Variants in WDR27 observed in about 807,000 individuals in gnomAD.
WDR27 encodes the protein WD repeat domain 27, also known as WD repeat-containing protein 27.
Under a neutral mutation model 114.4 loss-of-function variants are expected in WDR27, and 100 were observed. The ratio of observed to expected loss-of-function variants is 0.87; its 90% CI spans 0.74 to 1.03. The LOEUF (loss-of-function observed/expected upper bound fraction) is 1.03, where lower values mean the gene tolerates loss of function less well. Among genes scored for constraint, WDR27 ranks in the 50% least tolerant of loss-of-function variants. The pLI is 0.00. For missense variants in WDR27, 1,129 were observed against 1,092.9 expected (o/e 1.03, Z -0.47); for synonymous variants, 449 against 423.1 (o/e 1.06, Z -0.75).
At chr6:169,644,252 A>C (rs28538962) in intron 16 of WDR27, among the ~76,000 whole-genome samples, 1 of 147,480 alleles carries the variant, frequency 6.8e-6, no homozygotes, top group Admixed American at 6.7e-5. Flanking sequence ...GTCACACTGT[A>C]GAAAAGCCTA....
At chr6:169,555,753 G>A (rs559347465) in intron 25 of WDR27, among the ~76,000 whole-genome samples, 2 of 152,070 alleles carry the variant, frequency 1.3e-5, no homozygotes, top group East Asian at 3.9e-4. Flanking sequence ...CCATACCACT[G>A]GAAGAATAAA....
At chr6:169,495,071 T>G (rs890252716) in intron 25 of WDR27, among the ~76,000 whole-genome samples, 10 of 152,028 alleles carry the variant, frequency 6.6e-5, no homozygotes, top group Admixed American at 3.3e-4. Context: ...CATGAAAACA[T>G]TAGAAAATAA....
At chr6:169,469,608 T>C (rs1786072439) in intron 25 of WDR27, among the ~76,000 whole-genome samples, 1 of 152,218 alleles carries the variant, frequency 6.6e-6, no homozygotes, top group Non-Finnish European at 1.5e-5. Context: ...TGATGGGGCC[T>C]GTGGTGGGAG....
intron 2 of WDR27, among the ~76,000 whole-genome samples, chr6:169,675,811 AATT>A (rs1403672296): frequency 6.6e-6 from 1 of 152,124 alleles, no homozygotes; most frequent in Non-Finnish European, 1.5e-5. Flanking sequence ...CAGGCTGTAA[AATT>A]TTTCTTATCG....
chr6:169,552,170 C>T (rs564458297), intron 25 of WDR27, among the ~76,000 whole-genome samples: 4 of 152,300 alleles, frequency 2.6e-5, no homozygotes, highest in Admixed American at 1.3e-4. Flanking sequence ...GTGTTCTCAT[C>T]GTCCCACCAC....
At chr6:169,461,296 AC>A (rs1372918181) in intron 25 of WDR27, among the ~76,000 whole-genome samples, 1 of 152,176 alleles carries the variant, frequency 6.6e-6, no homozygotes, top group Non-Finnish European at 1.5e-5. Flanking sequence ...ACTTTACCAA[AC>A]AAGAACAGCA....
chr6:169,659,421 A>G lies in WDR27; in HGVS notation c.1197+30T>C. 1.9e-6 allele frequency: 3 copies of G among 1,602,136 alleles called. No individual in the cohort carries two copies. Among genetic ancestry groups the G allele is most frequent in the Non-Finnish European group, 2.6e-6 (3 of 1,174,310 alleles). ...AGAAGAAATCAGAGGCACGTCTCAT[A>G]GACAGGGAGGGCCGCGTCTCAGGAC... On this transcript the variant is annotated intron_variant, in intron 11 of 25. Coordinates refer to ENST00000448612, the MANE Select transcript of WDR27 (RefSeq NM_182552.5). This position sits in a 1 kb window ranked among gnomAD's most constrained non-coding sequence, Gnocchi z 4.3.
intron 25 of WDR27, among the ~76,000 whole-genome samples, chr6:169,465,767 T>G (rs994162553): frequency 6.6e-6 from 1 of 152,218 alleles, no homozygotes; most frequent in African/African-American, 2.4e-5. Flanking sequence ...GAGGACATTA[T>G]GCAAAGTGAA....
intron 21 of WDR27, among the ~76,000 whole-genome samples, chr6:169,619,514 T>C (rs917496655): frequency 7.9e-5 from 12 of 152,334 alleles, no homozygotes; most frequent in Middle Eastern, 3.4e-3. Flanking sequence ...CTTGGTTTTA[T>C]ACATTTTAGG....
At chr6:169,583,485 ATACATATATATATATATATG>A (rs1462116054) in intron 23 of WDR27, among the ~76,000 whole-genome samples, 4 of 21,220 alleles carry the variant, frequency 1.9e-4, no homozygotes, top group South Asian at 3.6e-3. Flanking sequence ...GTGTGTATAT[ATACATATATATATATATATG>A]TATATATACA....
intron 25 of WDR27, among the ~76,000 whole-genome samples, chr6:169,523,132 CAA>C (rs1356453316): frequency 3.3e-5 from 5 of 152,018 alleles, no homozygotes; most frequent in African/African-American, 1.2e-4. Flanking sequence ...CACAGAAATA[CAA>C]AGACTCATTA....
At chr6:169,682,135 T>C (rs1004658730) in intron 2 of WDR27, among the ~76,000 whole-genome samples, 4 of 152,128 alleles carry the variant, frequency 2.6e-5, no homozygotes, top group African/African-American at 9.7e-5. Context: ...CTGCTGCAGT[T>C]GGGAAACTAT....
chr6:169,611,185 T>C (rs1810440997), intron 22 of WDR27, among the ~76,000 whole-genome samples: 1 of 152,168 alleles, frequency 6.6e-6, no homozygotes, highest in African/African-American at 2.4e-5. Flanking sequence ...GTCAAGGGCA[T>C]GACCACAACT....
At chr6:169,474,439 A>G (rs931871651) in intron 25 of WDR27, among the ~76,000 whole-genome samples, 4 of 152,254 alleles carry the variant, frequency 2.6e-5, no homozygotes, top group Non-Finnish European at 5.9e-5. Context: ...TATTAGAAAC[A>G]TGGTAAAAGA....
chr6:169,607,393 T>TACACACAC (rs199658563), intron 22 of WDR27, among the ~76,000 whole-genome samples: 1,884 of 99,468 alleles, frequency 0.019, 47 homozygotes, highest in African/African-American at 0.053. Flanking sequence ...TGTGTGTGTA[T>TACACACAC]ACACACACAC....
At chr6:169,570,751 C>A (rs1346989081) in intron 25 of WDR27, among the ~76,000 whole-genome samples, 1 of 152,168 alleles carries the variant, frequency 6.6e-6, no homozygotes, top group Non-Finnish European at 1.5e-5. Flanking sequence ...ATTGCTTAAA[C>A]CTGGGAGGCG....
At chr6:169,532,469 T>A (rs182948105) in intron 25 of WDR27, among the ~76,000 whole-genome samples, 2,584 of 148,680 alleles carry the variant, frequency 0.017, 66 homozygotes, top group African/African-American at 0.061. Flanking sequence ...GAGTAGAAAA[T>A]TTTTTTTTAT....
At chr6:169,482,914 T>A (rs115535108) in intron 25 of WDR27, among the ~76,000 whole-genome samples, 2,006 of 152,236 alleles carry the variant, frequency 0.013, 40 homozygotes, top group African/African-American at 0.041. Context: ...TGGAAATTAA[T>A]CAACCTGCTC....
At chr6:169,592,854 T>C (rs1398694520) in intron 23 of WDR27, among the ~76,000 whole-genome samples, 1 of 152,200 alleles carries the variant, frequency 6.6e-6, no homozygotes, top group East Asian at 1.9e-4. Context: ...GATTCCTCTT[T>C]TACCGGGTGT....
Sources: gnomAD v4.1 joint callset for allele counts (sites outside exome capture counted in the v4.1 genomes callset) on GRCh38, gnomAD v4.1.1 for gene constraint, Gnocchi (gnomAD v3.1) non-coding constraint, MANE v1.5 for transcripts, NCBI Gene and HGNC (gene_info 2026-07-23, HGNC 2026-07-21) for gene names.